Variants in SHANK2 observed in about 807,000 individuals in gnomAD.
SHANK2 encodes SH3 and multiple ankyrin repeat domains 2, also known as SH3 and multiple ankyrin repeat domains protein 2.
A neutral mutation model predicts 133.7 loss-of-function variants in SHANK2; 43 were observed. The observed-to-expected ratio is 0.32, with a 90% CI of 0.25 to 0.41. SHANK2 has a LOEUF of 0.41. Among genes scored for constraint, SHANK2 ranks in the 10% least tolerant of loss-of-function variants. SHANK2 has a pLI of 1.00. For missense variants in SHANK2, 1,994 were observed against 2,235.8 expected, an observed-to-expected ratio of 0.89 and a Z score of 2.18; for synonymous variants, 1,017 against 952.8, an observed-to-expected ratio of 1.07 and a Z score of -1.24.
At chr11:70,931,099 T>C (rs1331973926) in intron 10 of SHANK2, among the ~76,000 whole-genome samples, 1 of 152,036 alleles carries the variant, frequency 6.6e-6, no homozygotes, top group African/African-American at 2.4e-5. Flanking sequence ...CCATGCTCAG[T>C]GAAAGCAGCC....
At chr11:70,538,976 G>C (rs2059579374) in intron 17 of SHANK2, among the ~76,000 whole-genome samples, 1 of 152,244 alleles carries the variant, frequency 6.6e-6, no homozygotes, top group Admixed American at 6.5e-5. Context: ...CCCGTCGGCC[G>C]CCACAAGCCT....
At chr11:71,076,914 A>T (rs1243521659) in intron 8 of SHANK2, among the ~76,000 whole-genome samples, 1 of 152,174 alleles carries the variant, frequency 6.6e-6, no homozygotes, top group Non-Finnish European at 1.5e-5. Flanking sequence ...CAGAGTGGGG[A>T]GCAGAAAAGT....
At chr11:70,493,014 T>G (rs1216332556) in intron 21 of SHANK2, among the ~76,000 whole-genome samples, 1 of 151,968 alleles carries the variant, frequency 6.6e-6, no homozygotes, top group African/African-American at 2.4e-5. Flanking sequence ...CAGGCTGATC[T>G]TGAACTCCTG....
At chr11:70,834,486 G>A (rs554409535) in intron 11 of SHANK2, among the ~76,000 whole-genome samples, 1 of 152,306 alleles carries the variant, frequency 6.6e-6, no homozygotes, top group African/African-American at 2.4e-5. Flanking sequence ...AGCCAGCGGG[G>A]GCCAAGCCAG....
At chr11:70,636,183 A>G (rs2061077964) in intron 17 of SHANK2, among the ~76,000 whole-genome samples, 1 of 152,258 alleles carries the variant, frequency 6.6e-6, no homozygotes, top group South Asian at 2.1e-4. Flanking sequence ...GTGAGAGTAT[A>G]TGCGTGAGCA....
At chr11:70,906,162 G>A (rs1401728634) in intron 10 of SHANK2, among the ~76,000 whole-genome samples, 1 of 152,226 alleles carries the variant, frequency 6.6e-6, no homozygotes, top group Non-Finnish European at 1.5e-5. Context: ...CGCCCAGCCT[G>A]TTGCACCTGT....
intron 2 of SHANK2, among the ~76,000 whole-genome samples, chr11:71,190,005 G>A (rs950615334): frequency 6.6e-6 from 1 of 152,216 alleles, no homozygotes; most frequent in African/African-American, 2.4e-5. Context: ...ATGGTGAAGA[G>A]CACAGCTGAC....
intron 10 of SHANK2, among the ~76,000 whole-genome samples, chr11:70,945,837 T>C (rs1170834317): frequency 2.0e-5 from 3 of 152,100 alleles, no homozygotes; most frequent in African/African-American, 7.2e-5. Flanking sequence ...GCACAAGGAA[T>C]GGCTCTCCTA....
At chr11:70,953,989 TAGAC>T (rs1176602723) in intron 10 of SHANK2, among the ~76,000 whole-genome samples, 1 of 152,150 alleles carries the variant, frequency 6.6e-6, no homozygotes, top group African/African-American at 2.4e-5. Flanking sequence ...GTGTGTCTAA[TAGAC>T]AGTCTTACAT....
At chr11:71,101,611 G>C (rs367967547) in intron 6 of SHANK2, among the ~76,000 whole-genome samples, 10 of 152,284 alleles carry the variant, frequency 6.6e-5, no homozygotes, top group African/African-American at 2.4e-4. Flanking sequence ...TCACATTCCC[G>C]GGTGCCGTTA....
intron 17 of SHANK2, among the ~76,000 whole-genome samples, chr11:70,632,353 C>A (rs969155102): frequency 6.6e-6 from 1 of 152,006 alleles, no homozygotes; most frequent in African/African-American, 2.4e-5. Flanking sequence ...TCTCGATCTC[C>A]TGACCTCGTG....
intron 25 of SHANK2, among the ~76,000 whole-genome samples, chr11:70,483,745 T>C (rs1327592126): frequency 6.6e-6 from 1 of 152,098 alleles, no homozygotes; most frequent in Non-Finnish European, 1.5e-5. Flanking sequence ...GGCTGTTGAG[T>C]GTACTTGTAG....
Position 70,502,295 on chromosome 11 carries a change from C to T in SHANK2, c.2198-9G>A. 3.9e-6 allele frequency: 6 copies of T among 1,551,754 alleles called. No individual in the cohort carries two copies. Among genetic ancestry groups the T allele is most frequent in the Non-Finnish European group, 5.2e-6 (6 of 1,147,384 alleles). On this transcript the variant is annotated splice_polypyrimidine_tract_variant and intron_variant, in intron 18 of 25. Coordinates refer to ENST00000601538, the MANE Select transcript of SHANK2 (RefSeq NM_012309.5). Reference sequence around the variant, plus strand: ...CTTTGGAGGCGGGGGAGCTGGAGGGCAGAGGAGAGATGGGTGTGAGACCCC... The same window carrying T: ...CTTTGGAGGCGGGGGAGCTGGAGGGTAGAGGAGAGATGGGTGTGAGACCCC...
chr11:70,753,811 A>ACTGTGTGTGTGT lies in SHANK2; in HGVS notation c.1777+44631_1777+44632insACACACACACAG, dbSNP rs71049937. The stretch of plus-strand genomic sequence containing the variant: ...TGTCTTACATCTATTAAAGATATTA[A>ACTGTGTGTGTGT]GTGTGTGTGTGTGTGTTTGAGACAG... On this transcript the variant is annotated intron_variant, in intron 14 of 25. Coordinates refer to ENST00000601538, the MANE Select transcript of SHANK2 (RefSeq NM_012309.5). 4.0e-4 allele frequency among the ~76,000 whole-genome samples: 58 copies of ACTGTGTGTGTGT among 144,788 alleles called. 1 individual carries two copies. The East Asian group carries it at 4.6e-3, about 12-fold the overall frequency. 95.0% of individuals were successfully genotyped at this position (144,788 alleles called of 152,430 possible). A position where few individuals can be genotyped will look rare whatever the true frequency, so the allele number is the denominator to read the frequency against.
rs140195046 is a variant in SHANK2 at position 70,907,746 on chromosome 11, G to A, written c.1108-11179C>T. 2.1e-3 allele frequency: 620 copies of A among 295,938 alleles called. 2 individuals carry two copies. The highest frequency in any genetic ancestry group is 3.7e-3 in the East Asian group (36 of 9,714). The allele number at this position is 295,938 out of a possible 1,614,324, so 18.3% of individuals were successfully genotyped here. On this transcript the variant is annotated intron_variant, in intron 10 of 25. Transcript: ENST00000601538. ...AATCATCTTTGACAGTTGCAGGATC[G>A]GATTTTGGATAAATATTTTATCAAG... is the stretch of plus-strand genomic sequence containing the variant.
At chr11:70,607,521 C>T (rs530466079) in intron 17 of SHANK2, among the ~76,000 whole-genome samples, 2 of 152,368 alleles carry the variant, frequency 1.3e-5, no homozygotes, top group African/African-American at 2.4e-5. Flanking sequence ...TGCACGCACA[C>T]ACTGGCTCTA....
intron 2 of SHANK2, among the ~76,000 whole-genome samples, chr11:71,162,142 C>T (rs1555109995): frequency 6.6e-6 from 1 of 152,202 alleles, no homozygotes; most frequent in African/African-American, 2.4e-5. Flanking sequence ...TCTTATTCTA[C>T]TTTTTGTTGC....
intron 3 of SHANK2, among the ~76,000 whole-genome samples, chr11:71,145,590 G>A (rs1390449583): frequency 6.6e-6 from 1 of 152,238 alleles, no homozygotes; most frequent in African/African-American, 2.4e-5. Flanking sequence ...ACTGGGGGAA[G>A]AGGAGACACA....
chr11:70,807,045 T>C lies in SHANK2; in HGVS notation c.1620A>G (p.Gln540=). The C allele has an allele frequency of 1.4e-6, 1 of 717,926 alleles. No homozygotes were observed. The highest frequency in any genetic ancestry group is 2.0e-5 in the Admixed American group (1 of 49,962). The allele number at this position is 717,926 out of a possible 1,614,324, so 44.5% of individuals were successfully genotyped here. A position where few individuals can be genotyped will look rare whatever the true frequency, so the allele number is the denominator to read the frequency against. The change falls in exon 13 of 26, where the codon CAA becomes CAG. Residue 540 remains glutamine, a synonymous_variant. Transcript: ENST00000601538. The surrounding 1 kb of genome is among the most constrained non-coding windows in gnomAD (Gnocchi z 4.8). ...GGTGAAGGGGGATCTCGCCGTCCAC[T>C]TGGGGTTGGTATGGCTTGACAGCGA... ...LFVAVKPYQP[Q]VDGEIPLHRG... is the part of the protein sequence containing the mutation.
Sources: gnomAD v4.1 joint callset for allele counts (sites outside exome capture counted in the v4.1 genomes callset) on GRCh38, gnomAD v4.1.1 for gene constraint, Gnocchi (gnomAD v3.1) non-coding constraint, MANE v1.5 for transcripts, NCBI Gene and HGNC (gene_info 2026-07-23, HGNC 2026-07-21) for gene names.